KHDRBS2: variants seen among roughly 807,000 people sequenced by gnomAD.
KHDRBS2 encodes the protein KH domain-containing, RNA-binding, signal transduction-associated protein 2.
Under a neutral mutation model 44.3 loss-of-function variants are expected in KHDRBS2, and 26 were observed. That is an observed-to-expected ratio of 0.59 (90% confidence interval 0.43 to 0.81). KHDRBS2 has a LOEUF of 0.81. Ranked by LOEUF, KHDRBS2 falls within the 40% of genes least tolerant of loss-of-function variation. KHDRBS2 has a pLI of 0.00. For synonymous variants in KHDRBS2, 194 were observed against 151.1 expected (o/e 1.28, Z -2.08); for missense variants, 476 against 433.1 (o/e 1.10, Z -0.88).
chr6:61,610,329 T>C, the KHDRBS2 span, among the ~76,000 whole-genome samples: 3 of 152,246 alleles, frequency 2.0e-5, no homozygotes, highest in Non-Finnish European at 4.4e-5. Flanking sequence ...ATTTGCTTCA[T>C]ATATTTAAAA....
the KHDRBS2 span, among the ~76,000 whole-genome samples, chr6:61,577,438 A>C: frequency 1.1e-4 from 16 of 152,256 alleles, no homozygotes; most frequent in African/African-American, 2.9e-4. Context: ...GACATTCACA[A>C]TGCTATTTTA....
At chr6:62,123,614 T>G (rs1808237833) in intron 2 of KHDRBS2, among the ~76,000 whole-genome samples, 1 of 152,216 alleles carries the variant, frequency 6.6e-6, no homozygotes. Flanking sequence ...GATGCATAAT[T>G]TTTTAAATAA....
intron 6 of KHDRBS2, among the ~76,000 whole-genome samples, chr6:61,773,354 C>T (rs1025746554): frequency 1.3e-5 from 2 of 151,844 alleles, no homozygotes; most frequent in Non-Finnish European, 2.9e-5. Flanking sequence ...GAGATGGTAT[C>T]TCATTGTGGT....
chr6:62,021,306 G>A (rs991163984), intron 3 of KHDRBS2, among the ~76,000 whole-genome samples: 3 of 151,822 alleles, frequency 2.0e-5, no homozygotes, highest in African/African-American at 4.8e-5. Context: ...TAATGAATGG[G>A]TAATAGGCTT....
chr6:61,640,429 A>C, the KHDRBS2 span, among the ~76,000 whole-genome samples: 1 of 152,102 alleles, frequency 6.6e-6, no homozygotes, highest in African/African-American at 2.4e-5. Context: ...GACTTGAATA[A>C]ATTTTCATTT....
chr6:61,637,018 A>G, the KHDRBS2 span, among the ~76,000 whole-genome samples: 3 of 151,976 alleles, frequency 2.0e-5, no homozygotes, highest in East Asian at 5.8e-4. Flanking sequence ...AGTTCAACAT[A>G]TACTTTTTTC....
intron 4 of KHDRBS2, among the ~76,000 whole-genome samples, chr6:61,937,777 C>T (rs576018337): frequency 6.6e-6 from 1 of 152,120 alleles, no homozygotes; most frequent in East Asian, 1.9e-4. Flanking sequence ...TTATTCTGAC[C>T]TCTAAACAGA....
rs146430356 is a variant in KHDRBS2 at position 61,811,395 on chromosome 6, A to G, written c.811-78631T>C. On this transcript the variant is annotated intron_variant, in intron 6 of 8. Transcript: ENST00000281156. ...ATTCCATGTCTTTGCTATTGTGAAT[A>G]GTGCTGCGATGAACATCCAAGTCCA... is the stretch of plus-strand genomic sequence containing the variant. Among the ~76,000 whole-genome samples, 614 of 152,272 alleles carry G rather than the reference A, an allele frequency of 4.0e-3. 2 individuals carry two copies. The highest frequency in any genetic ancestry group is 0.014 in the African/African-American group (578 of 41,566).
rs1786508682 is a variant in KHDRBS2 at position 62,041,479 on chromosome 6, C to G, written c.336+6399G>C. Among the ~76,000 whole-genome samples the G allele has an allele frequency of 4.6e-5, 7 of 152,088 alleles. No homozygotes were observed. In the South Asian group the frequency reaches 1.2e-3, roughly 27 times the overall value. The stretch of plus-strand genomic sequence containing the variant: ...CTAAAAATTTCTATTTTCATACATT[C>G]TTTTTTAATAGCTTAGTAAACAAAA... On this transcript the variant is annotated intron_variant, in intron 3 of 8. Transcript: ENST00000281156.
rs560090011 is a variant in KHDRBS2, at chr6:61,844,477, A to T, written c.810+50158T>A. Among the ~76,000 whole-genome samples, 7 of 152,184 alleles carry T rather than the reference A, an allele frequency of 4.6e-5. No homozygotes were observed. In the South Asian group the frequency reaches 1.5e-3, roughly 32 times the overall value. ...GGTTCTTTATTTTTCCCATTCCCACACATTCTTATAATGATCCTTGTGATA... is the reference window on the plus strand; with the variant it reads ...GGTTCTTTATTTTTCCCATTCCCACTCATTCTTATAATGATCCTTGTGATA... On this transcript the variant is annotated intron_variant, in intron 6 of 8. Coordinates refer to ENST00000281156, the MANE Select transcript of KHDRBS2 (RefSeq NM_152688.4).
chr6:62,083,625 T>C (rs1182789079), intron 2 of KHDRBS2, among the ~76,000 whole-genome samples: 2 of 152,136 alleles, frequency 1.3e-5, no homozygotes, highest in African/African-American at 4.8e-5. Flanking sequence ...TCCTGCCAGT[T>C]GCTCAGAAGT....
chr6:62,229,368 AG>A (rs368400543), intron 1 of KHDRBS2, among the ~76,000 whole-genome samples: 59 of 152,228 alleles, frequency 3.9e-4, no homozygotes, highest in African/African-American at 1.4e-3. Flanking sequence ...AGGCTTCAGT[AG>A]GGGAAAAGTG....
chr6:61,993,991 G>C (rs1776702475), intron 3 of KHDRBS2, among the ~76,000 whole-genome samples: 2 of 151,992 alleles, frequency 1.3e-5, no homozygotes, highest in South Asian at 4.2e-4. Flanking sequence ...TAACAAAATA[G>C]AAAGTAAAGT....
At chr6:62,220,880 T>G (rs1830787694) in intron 1 of KHDRBS2, among the ~76,000 whole-genome samples, 1 of 151,842 alleles carries the variant, frequency 6.6e-6, no homozygotes, top group Admixed American at 6.6e-5. Flanking sequence ...AAGAAAAAAT[T>G]TGTTAGATTA....
At chr6:62,041,605 C>A (rs137977068) in intron 3 of KHDRBS2, among the ~76,000 whole-genome samples, 8 of 152,064 alleles carry the variant, frequency 5.3e-5, no homozygotes, top group Non-Finnish European at 1.2e-4. Flanking sequence ...TCACAAGTGA[C>A]AATGAGGACA....
chr6:62,240,055 A>T (rs1834347398), intron 1 of KHDRBS2, among the ~76,000 whole-genome samples: 1 of 152,176 alleles, frequency 6.6e-6, no homozygotes, highest in South Asian at 2.1e-4. Context: ...AGCTCTGAAG[A>T]TGGTACAGAG....
chr6:62,139,279 G>A (rs984933679), intron 2 of KHDRBS2, among the ~76,000 whole-genome samples: 60 of 152,068 alleles, frequency 3.9e-4, no homozygotes, highest in African/African-American at 1.3e-3. Flanking sequence ...TGGGCCAGGC[G>A]CAGTGGCTCA....
chr6:61,773,389 C>G (rs1320516911), intron 6 of KHDRBS2, among the ~76,000 whole-genome samples: 48 of 148,188 alleles, frequency 3.2e-4, no homozygotes, highest in South Asian at 1.1e-3. Context: ...CTCTGATGGC[C>G]AGTGATGATG....
chr6:61,694,875 T>C (rs1767740477), intron 8 of KHDRBS2, among the ~76,000 whole-genome samples: 1 of 152,220 alleles, frequency 6.6e-6, no homozygotes, highest in African/African-American at 2.4e-5. Flanking sequence ...AAATAATTTC[T>C]GAAATTATGT....
Sources: allele counts gnomAD v4.1 joint callset (sites outside exome capture counted in the v4.1 genomes callset), GRCh38; gene constraint gnomAD v4.1.1; transcripts MANE v1.5; gene names NCBI Gene and HGNC (gene_info 2026-07-23, HGNC 2026-07-21).